The following LANCL1 variants were observed in gnomAD, a reference collection of about 807,000 sequenced individuals.
LANCL1 encodes the protein LanC like glutathione S-transferase 1, also known as glutathione S-transferase LANCL1.
Under a neutral mutation model 50.6 loss-of-function variants are expected in LANCL1, and 50 were observed. The observed-to-expected ratio is 0.99, with a 90% CI of 0.79 to 1.25. The LOEUF (loss-of-function observed/expected upper bound fraction) is 1.25, where lower values mean the gene tolerates loss of function less well. LANCL1 is among the 50% of genes most tolerant of loss of function. The pLI is 0.00. For missense variants in LANCL1, 532 were observed against 480.7 expected, an observed-to-expected ratio of 1.11 and a Z score of -1.00; for synonymous variants, 188 against 178.6, an observed-to-expected ratio of 1.05 and a Z score of -0.42.
At position 210,437,790 on chromosome 2, in the gene LANCL1, G is replaced by A. The variant is rs780286969; in HGVS notation, c.773C>T (p.Ser258Phe). The A allele has an allele frequency of 1.1e-5, 17 of 1,613,514 alleles. No individual in the cohort carries two copies. In the East Asian group the frequency reaches 1.6e-4, roughly 15 times the overall value. ...VDYVCQLKFP[S>F]GNYPPCIGDN... ...ACCTATACATGGAGGGTAATTGCCAGAAGGGAATTTCAGCTGGCAGACGTA... is the reference window on the plus strand; with the variant it reads ...ACCTATACATGGAGGGTAATTGCCAAAAGGGAATTTCAGCTGGCAGACGTA... The change falls in exon 7 of 10, where the codon TCT becomes TTT. Residue 258 changes from serine (S) to phenylalanine (F), a missense_variant. Physicochemically the swap from Ser to Phe is radical, Grantham distance 155. Coordinates refer to ENST00000450366, the MANE Select transcript of LANCL1 (RefSeq NM_006055.3).
intron 4 of LANCL1, among the ~76,000 whole-genome samples, chr2:210,445,334 C>A (rs1443562752): frequency 1.3e-5 from 2 of 152,164 alleles, no homozygotes; most frequent in East Asian, 3.8e-4. Context: ...ATATAATTAG[C>A]ATTCCATTTA....
intron 4 of LANCL1, among the ~76,000 whole-genome samples, chr2:210,447,884 T>C (rs1226486218): frequency 6.6e-6 from 1 of 152,146 alleles, no homozygotes; most frequent in African/African-American, 2.4e-5. Context: ...CAAAGAGACT[T>C]AGACTCCCAC....
chr2:210,459,915 A>C (rs892754351), intron 3 of LANCL1, among the ~76,000 whole-genome samples: 8 of 152,064 alleles, frequency 5.3e-5, no homozygotes, highest in African/African-American at 1.7e-4. Context: ...GGACACTTCT[A>C]AATCTGCAAT....
chr2:210,440,598 C>G lies in LANCL1; in HGVS notation c.690G>C (p.Gln230His), dbSNP rs773818246. ...AAATTTCACCATAATCACTCCTTAC[C>G]TGCATCAGGTAGTAATAAATTCCAG... ...GLAGIYYYLM[Q>H]PSLQVSQGKL... Residue 230 changes from glutamine (Q) to histidine (H), a missense_variant and splice_region_variant, in exon 6 of 10, where the codon CAG (glutamine) becomes CAC (histidine). Coordinates refer to ENST00000450366, the MANE Select transcript of LANCL1 (RefSeq NM_006055.3). 26 of 1,611,250 alleles carry G rather than the reference C, an allele frequency of 1.6e-5. No homozygotes were observed.
intron 3 of LANCL1, among the ~76,000 whole-genome samples, chr2:210,466,060 A>G (rs1472972446): frequency 2.6e-5 from 4 of 152,236 alleles, no homozygotes; most frequent in Admixed American, 6.5e-5. Flanking sequence ...TTGGTTGTAC[A>G]GGAAAGCTTG....
At chr2:210,476,281 A>C in intron 2 of LANCL1, 35 bp downstream of exon 2, 1 of 1,498,062 alleles carries the variant, frequency 6.7e-7, no homozygotes. Flanking sequence ...CCGTGGGGAG[A>C]GGCAGGGATG....
intron 4 of LANCL1, among the ~76,000 whole-genome samples, chr2:210,454,237 C>T (rs1247595538): frequency 8.7e-6 from 1 of 114,558 alleles, no homozygotes; most frequent in Admixed American, 8.8e-5. Context: ...CACACACACA[C>T]ACACACACAC....
At position 210,471,119 on chromosome 2, in the gene LANCL1, T is replaced by A. The variant is rs549766759; in HGVS notation, c.199+840A>T. Among the ~76,000 whole-genome samples, 3 of 144,262 alleles carry A rather than the reference T, an allele frequency of 2.1e-5. No individual in the cohort carries two copies. In the South Asian group the frequency reaches 7.1e-4, roughly 34 times the overall value. The allele number at this position is 144,262 out of a possible 152,430, so 94.6% of individuals were successfully genotyped here. On this transcript the variant is annotated intron_variant, in intron 3 of 9. Transcript: ENST00000450366. ...TGGAGTGCAGTGGAGTGATCTCATC[T>A]CACTGCAATCTCCACCTCCCAGGTT...
upstream of LANCL1, chr2:210,476,826 T>TA: frequency 2.0e-6 from 2 of 1,000,200 alleles, no homozygotes; most frequent in Non-Finnish European, 2.4e-6. Context: ...CCTTCTCTCT[T>TA]ACAGTTTGTT....
chr2:210,457,598 T>C (rs1259979650), intron 3 of LANCL1, among the ~76,000 whole-genome samples: 5 of 152,266 alleles, frequency 3.3e-5, no homozygotes, highest in South Asian at 2.1e-4. Flanking sequence ...TTTATCAAAA[T>C]ATATATGTTC....
In LANCL1 at chr2:210,434,270, A is replaced by C; in HGVS notation, c.*217T>G. On this transcript the variant is annotated 3_prime_UTR_variant, in exon 10 of 10. Transcript: ENST00000450366. ...ATCACTCACTCTCCCTTTAGGAAGA[A>C]ATGGAAATTAAAGTTAAAAGACTTC... The C allele has an allele frequency of 2.1e-6, 1 of 487,368 alleles. No homozygotes were observed. 30.2% of individuals were successfully genotyped at this position (487,368 alleles called of 1,614,324 possible). A position where few individuals can be genotyped will look rare whatever the true frequency, so the allele number is the denominator to read the frequency against.
intron 4 of LANCL1, among the ~76,000 whole-genome samples, chr2:210,452,893 G>A (rs1300270223): frequency 6.6e-6 from 1 of 152,062 alleles, no homozygotes; most frequent in African/African-American, 2.4e-5. Context: ...ATCTCAAAAG[G>A]TCTGTAAAAT....
chr2:210,455,317 G>GA lies in LANCL1; in HGVS notation c.200-4dup, dbSNP rs59908560. 0.048 allele frequency: 64,191 copies of GA among 1,334,764 alleles called. 163 individuals are homozygous for GA. Among genetic ancestry groups the GA allele is most frequent in the East Asian group, 0.092 (3,182 of 34,590 alleles). The allele number at this position is 1,334,764 out of a possible 1,614,324, so 82.7% of individuals were successfully genotyped here. The stretch of plus-strand genomic sequence containing the variant: ...ATGTAAGTAAAGCACAGCAATACCT[G>GA]AAAAAAAAAAAAGGAAACAATGTAA... On this transcript the variant is annotated splice_region_variant and splice_polypyrimidine_tract_variant and intron_variant, in intron 3 of 9. Coordinates refer to ENST00000450366, the MANE Select transcript of LANCL1 (RefSeq NM_006055.3).
At chr2:210,452,115 A>G (rs1475880706) in intron 4 of LANCL1, among the ~76,000 whole-genome samples, 3 of 152,180 alleles carry the variant, frequency 2.0e-5, no homozygotes, top group African/African-American at 7.2e-5. Flanking sequence ...ATGGTTGTAC[A>G]ACACTGTGAA....
chr2:210,443,436 A>G (rs1259314135), intron 4 of LANCL1, among the ~76,000 whole-genome samples: 1 of 152,222 alleles, frequency 6.6e-6, no homozygotes, highest in Admixed American at 6.5e-5. Flanking sequence ...TGATATTAGC[A>G]CAAAGAGCCA....
chr2:210,441,610 A>G (rs1693138246), intron 4 of LANCL1, among the ~76,000 whole-genome samples, 167 bp from the exon 5 acceptor site: 1 of 152,180 alleles, frequency 6.6e-6, no homozygotes, highest in African/African-American at 2.4e-5. Flanking sequence ...CCCTCCATTA[A>G]ATTTCTTCAC....
At chr2:210,458,915 C>A (rs1693751821) in intron 3 of LANCL1, among the ~76,000 whole-genome samples, 2 of 152,096 alleles carry the variant, frequency 1.3e-5, no homozygotes, top group South Asian at 4.1e-4. Flanking sequence ...TTAATATTTT[C>A]TTTCATCTTT....
intron 3 of LANCL1, among the ~76,000 whole-genome samples, chr2:210,466,138 T>C (rs894802118): frequency 6.6e-6 from 1 of 152,334 alleles, no homozygotes; most frequent in African/African-American, 2.4e-5. Flanking sequence ...GGAAATATCT[T>C]GCCAGTAGGG....
chr2:210,454,278 T>G, intron 4 of LANCL1, among the ~76,000 whole-genome samples: 1 of 150,950 alleles, frequency 6.6e-6, no homozygotes. Flanking sequence ...ACAATAGGGG[T>G]ATAAATCATT....
Sources: allele counts gnomAD v4.1 joint callset (sites outside exome capture counted in the v4.1 genomes callset), GRCh38; gene constraint gnomAD v4.1.1; transcripts MANE v1.5; gene names NCBI Gene and HGNC (gene_info 2026-07-23, HGNC 2026-07-21).